The following DENND5B variants were observed in gnomAD, a reference collection of about 807,000 sequenced individuals.
DENND5B encodes DENN domain-containing protein 5B.
Under a neutral mutation model 140.6 loss-of-function variants are expected in DENND5B, and 34 were observed. That is an observed-to-expected ratio of 0.24 (90% CI 0.18 to 0.32). The LOEUF is 0.32. Among genes scored for constraint, DENND5B ranks in the 10% least tolerant of loss-of-function variants. The probability of loss-of-function intolerance (pLI) is 1.00; values close to 1 mark genes in which losing one functional copy is unlikely to be tolerated. For synonymous variants in DENND5B, 551 were observed against 562.1 expected (o/e 0.98, Z 0.28); for missense variants, 1,142 against 1,560.2 (o/e 0.73, Z 4.52).
At chr12:31,529,139 C>T (rs116611327) in intron 1 of DENND5B, among the ~76,000 whole-genome samples, 1,390 of 136,558 alleles carry the variant, frequency 0.01, 25 homozygotes, top group African/African-American at 0.037. Context: ...CTCCAGCCTG[C>T]GCAACAGAGC....
At chr12:31,530,351 T>C (rs1948238994) in intron 1 of DENND5B, among the ~76,000 whole-genome samples, 1 of 152,126 alleles carries the variant, frequency 6.6e-6, no homozygotes, top group Non-Finnish European at 1.5e-5. Flanking sequence ...CCAGCCTGGG[T>C]GACAGAGCAA....
At chr12:31,467,187 G>C (rs1945306663) in intron 3 of DENND5B, among the ~76,000 whole-genome samples, 1 of 151,268 alleles carries the variant, frequency 6.6e-6, no homozygotes, top group Non-Finnish European at 1.5e-5. Flanking sequence ...AACATCCAAT[G>C]AACTATTTTT....
At chr12:31,557,599 C>T (rs1949334025) in intron 1 of DENND5B, among the ~76,000 whole-genome samples, 1 of 151,924 alleles carries the variant, frequency 6.6e-6, no homozygotes, top group Non-Finnish European at 1.5e-5. Flanking sequence ...CCAGGCTGAT[C>T]TCGAACTTTG....
At chr12:31,493,604 C>A (rs149981610) in intron 2 of DENND5B, among the ~76,000 whole-genome samples, 126 of 152,056 alleles carry the variant, frequency 8.3e-4, no homozygotes, top group Non-Finnish European at 1.5e-3. Flanking sequence ...TGAAGGAGGG[C>A]AGATCACTTG....
intron 8 of DENND5B, among the ~76,000 whole-genome samples, chr12:31,430,730 C>T (rs117956438): frequency 0.02 from 3,096 of 152,178 alleles, 254 homozygotes; most frequent in East Asian, 0.15. Flanking sequence ...ACAAGCTAGA[C>T]GGTGGCTGTC....
intron 12 of DENND5B, among the ~76,000 whole-genome samples, chr12:31,414,848 G>A (rs575707648): frequency 8.6e-5 from 13 of 151,874 alleles, no homozygotes; most frequent in African/African-American, 3.1e-4. Context: ...CTTGAACCCG[G>A]GAGACAGAGG....
Position 31,543,295 on chromosome 12 carries a change from T to A in DENND5B, c.128-47376A>T, listed in dbSNP as rs556526009. Among the ~76,000 whole-genome samples, 5 of 152,314 alleles carry A rather than the reference T, an allele frequency of 3.3e-5. No individual in the cohort carries two copies. In the South Asian group the frequency reaches 1.0e-3, roughly 32 times the overall value. On this transcript the variant is annotated intron_variant, in intron 1 of 20. Transcript: ENST00000389082. ...TCCATATGTTTTGTAACAGAAAATG[T>A]TAGGAGTAAGATGATGTGTGTGGTA...
At chr12:31,456,969 A>C (rs896203909) in intron 4 of DENND5B, among the ~76,000 whole-genome samples, 1 of 152,164 alleles carries the variant, frequency 6.6e-6, no homozygotes, top group Non-Finnish European at 1.5e-5. Flanking sequence ...CTCTCGTCCC[A>C]GCTACTCATG....
At chr12:31,513,650 T>C (rs1219652641) in intron 1 of DENND5B, among the ~76,000 whole-genome samples, 1 of 152,200 alleles carries the variant, frequency 6.6e-6, no homozygotes. Context: ...CTATGTGTTG[T>C]GTGGCTTCTT....
At chr12:31,450,765 G>A (rs1944475696) in intron 5 of DENND5B, among the ~76,000 whole-genome samples, 1 of 152,104 alleles carries the variant, frequency 6.6e-6, no homozygotes, top group African/African-American at 2.4e-5. Flanking sequence ...GACCCAAAGA[G>A]GCCACTTAGT....
intron 1 of DENND5B, among the ~76,000 whole-genome samples, chr12:31,572,592 T>C (rs991559824): frequency 2.0e-5 from 3 of 149,854 alleles, no homozygotes; most frequent in Non-Finnish European, 4.4e-5. Context: ...GCCAATGAAA[T>C]CAGTCTCCTT....
chr12:31,516,153 CAT>C (rs1228755075), intron 1 of DENND5B, among the ~76,000 whole-genome samples: 3 of 152,024 alleles, frequency 2.0e-5, no homozygotes, highest in Non-Finnish European at 4.4e-5. Context: ...TGATGTACAG[CAT>C]ATTCTCTGTG....
At chr12:31,518,379 C>T (rs185159181) in intron 1 of DENND5B, among the ~76,000 whole-genome samples, 165 of 152,306 alleles carry the variant, frequency 1.1e-3, no homozygotes, top group African/African-American at 3.5e-3. Context: ...GAATTAAAGA[C>T]AGAGCTGAGG....
At chr12:31,561,778 AAG>A (rs540536542) in intron 1 of DENND5B, among the ~76,000 whole-genome samples, 108 of 152,338 alleles carry the variant, frequency 7.1e-4, no homozygotes, top group Middle Eastern at 3.4e-3. Context: ...GTATGGCATT[AAG>A]AGTGTAGTAA....
intron 1 of DENND5B, among the ~76,000 whole-genome samples, chr12:31,573,695 G>T (rs1419291200): frequency 6.6e-6 from 1 of 152,156 alleles, no homozygotes; most frequent in Non-Finnish European, 1.5e-5. Flanking sequence ...AGAAGCTCTG[G>T]GGTCTAGGGC....
chr12:31,460,236 T>C lies in DENND5B; in HGVS notation c.1050A>G (p.Ser350=). 1 of 1,613,800 alleles carries C rather than the reference T, an allele frequency of 6.2e-7. No individual in the cohort carries two copies. Among genetic ancestry groups the C allele is most frequent in the Non-Finnish European group, 8.5e-7 (1 of 1,179,828 alleles). The change falls in exon 4 of 21, where the codon TCA becomes TCG. Residue 350 remains serine (S), a synonymous_variant. Transcript: ENST00000389082. ...APVPYLMGLQ[S]KEGTDRSKLE... ...GTTTAGAACGGTCAGTTCCTTCTTTTGACTGAAGGCCCATCAGATAAGGGA... is the reference window on the plus strand; with the variant it reads ...GTTTAGAACGGTCAGTTCCTTCTTTCGACTGAAGGCCCATCAGATAAGGGA...
At chr12:31,519,480 G>A (rs1947798356) in intron 1 of DENND5B, among the ~76,000 whole-genome samples, 1 of 152,094 alleles carries the variant, frequency 6.6e-6, no homozygotes, top group Admixed American at 6.6e-5. Context: ...CTCATCTGCT[G>A]GATTCAGTCT....
intron 1 of DENND5B, among the ~76,000 whole-genome samples, chr12:31,519,753 A>G (rs1192316776): frequency 6.6e-6 from 1 of 152,240 alleles, no homozygotes; most frequent in Non-Finnish European, 1.5e-5. Flanking sequence ...TAACTGCAAC[A>G]GATAAGCATG....
chr12:31,509,056 C>G (rs1282406848), intron 1 of DENND5B, among the ~76,000 whole-genome samples: 1 of 152,068 alleles, frequency 6.6e-6, no homozygotes, highest in Non-Finnish European at 1.5e-5. Context: ...CAGAATTTTC[C>G]CCTTCTCCAT....
Sources: gnomAD v4.1 joint callset for allele counts (sites outside exome capture counted in the v4.1 genomes callset) on GRCh38, gnomAD v4.1.1 for gene constraint, MANE v1.5 for transcripts, NCBI Gene and HGNC (gene_info 2026-07-23, HGNC 2026-07-21) for gene names.